Variants in EIF2AK4 observed in about 807,000 individuals in gnomAD.
EIF2AK4 encodes the protein eukaryotic translation initiation factor 2 alpha kinase 4, also known as eIF-2-alpha kinase GCN2.
EIF2AK4 carries 139 observed loss-of-function variants against 211.1 expected under a neutral mutation model. That is an observed-to-expected ratio of 0.66 (90% CI 0.57 to 0.76). EIF2AK4 has a LOEUF of 0.76. Among genes scored for constraint, EIF2AK4 ranks in the 30% least tolerant of loss-of-function variants. EIF2AK4 has a pLI of 0.00. For synonymous variants in EIF2AK4, 710 were observed against 751.3 expected, an observed-to-expected ratio of 0.94 and a Z score of 0.90; for missense variants, 1,664 against 2,043.8, an observed-to-expected ratio of 0.81 and a Z score of 3.58.
rs1304491523 is a variant in EIF2AK4 at position 39,998,750 on chromosome 15, C to T, written c.2888C>T (p.Pro963Leu). Residue 963 changes from proline to leucine, a missense_variant, in exon 20 of 39, where the codon CCA (proline) becomes CTA (leucine). Around this residue, in one of 7 missense-constraint regions of EIF2AK4, gnomAD observed 622 missense variants for 796.8 expected, o/e 0.78. Coordinates refer to ENST00000263791, the MANE Select transcript of EIF2AK4 (RefSeq NM_001013703.4). ...QLRDPTSPKF[P>L]EDFDDGEHAK... ...TTTTAGCCCACTTCGCCTAAGTTTC[C>T]AGAAGACTTTGACGATGGAGAGCAT... 1 of 1,612,958 alleles carries T rather than the reference C, an allele frequency of 6.2e-7. No homozygotes were observed.
chr15:39,971,784 T>A (rs923935110), intron 9 of EIF2AK4, among the ~76,000 whole-genome samples: 10 of 152,250 alleles, frequency 6.6e-5, no homozygotes, highest in African/African-American at 2.4e-4. Flanking sequence ...ACTTAGACTT[T>A]AACTTAGACT....
At chr15:40,029,234 C>A in intron 33 of EIF2AK4, 172 bp from the exon 34 acceptor site, 1 of 887,776 alleles carries the variant, frequency 1.1e-6, no homozygotes, top group Non-Finnish European at 1.3e-6. Flanking sequence ...TTGCTCTTGA[C>A]CAAAGCATAA....
intron 22 of EIF2AK4, 110 bp downstream of exon 22, chr15:40,002,898 T>C: frequency 1.6e-6 from 2 of 1,247,138 alleles, no homozygotes; most frequent in Non-Finnish European, 2.3e-6. Context: ...AATTCAGTTA[T>C]AAATAATTGA....
At chr15:40,020,682 C>T (rs539908981) in intron 30 of EIF2AK4, 3 of 272,640 alleles carry the variant, frequency 1.1e-5, no homozygotes, top group Non-Finnish European at 2.1e-5. Context: ...GAGTGAGACT[C>T]TGTCTCAGAA....
intron 9 of EIF2AK4, among the ~76,000 whole-genome samples, chr15:39,968,277 G>T (rs1344377848): frequency 6.6e-6 from 1 of 152,228 alleles, no homozygotes. Context: ...TCTGCCCCTT[G>T]TGCTTCTTAA....
intron 19 of EIF2AK4, among the ~76,000 whole-genome samples, chr15:39,998,270 G>GT (rs11435806): frequency 0.38 from 47,354 of 123,858 alleles, 9,055 homozygotes; most frequent in Non-Finnish European, 0.46. Context: ...TTTTTTTTTT[G>GT]TTTTGTTTTT....
At chr15:39,990,468 C>G in intron 16 of EIF2AK4, 91 bp downstream of exon 16, 4 of 1,060,062 alleles carry the variant, frequency 3.8e-6, no homozygotes, top group Non-Finnish European at 5.7e-6. Flanking sequence ...AGTGCGTTCA[C>G]AGAACTATGC....
rs3736290 is a variant in EIF2AK4 at position 40,029,150 on chromosome 15, C to T, written c.4503-256C>T. ...CTTATTGTGTGGATCCAGGATTTCACGCCCAGCTGAATAAATCAGAATGTT... is the reference window on the plus strand; with the variant it reads ...CTTATTGTGTGGATCCAGGATTTCATGCCCAGCTGAATAAATCAGAATGTT... On this transcript the variant is annotated intron_variant, in intron 33 of 38. Coordinates refer to ENST00000263791, the MANE Select transcript of EIF2AK4 (RefSeq NM_001013703.4). The T allele has an allele frequency of 3.1e-5, 7 of 224,392 alleles. No individual in the cohort carries two copies. In the East Asian group the frequency reaches 7.3e-4, roughly 23 times the overall value. 13.9% of individuals were successfully genotyped at this position (224,392 alleles called of 1,614,324 possible).
At chr15:40,012,052 G>T (rs1188528465) in intron 27 of EIF2AK4, among the ~76,000 whole-genome samples, 1 of 152,062 alleles carries the variant, frequency 6.6e-6, no homozygotes, top group East Asian at 1.9e-4. Context: ...CTAGGCCCTT[G>T]TCTGACACTC....
rs1415409621 is a variant in EIF2AK4, at chr15:39,948,464, G to A, written c.361-652G>A. Among the ~76,000 whole-genome samples the A allele has an allele frequency of 3.3e-5, 5 of 152,196 alleles. No homozygotes were observed. In the South Asian group the frequency reaches 1.0e-3, roughly 32 times the overall value. ...ATGATTTATGTCTCCTGCGGGTAAGGGAAAGGGGCTTCCTGTGTTCACATA... is the reference window on the plus strand; with the variant it reads ...ATGATTTATGTCTCCTGCGGGTAAGAGAAAGGGGCTTCCTGTGTTCACATA... On this transcript the variant is annotated intron_variant, in intron 3 of 38. Coordinates refer to ENST00000263791, the MANE Select transcript of EIF2AK4 (RefSeq NM_001013703.4).
At chr15:39,982,310 G>A (rs1416711436) in intron 13 of EIF2AK4, among the ~76,000 whole-genome samples, 1 of 152,318 alleles carries the variant, frequency 6.6e-6, no homozygotes, top group East Asian at 1.9e-4. Context: ...TGGAATTCCA[G>A]TAAAACTGAA....
At chr15:39,939,431 A>T in intron 1 of EIF2AK4, 74 bp from the exon 2 acceptor site, 1 of 825,220 alleles carries the variant, frequency 1.2e-6, no homozygotes, top group Non-Finnish European at 1.8e-6. Context: ...TTGATCTAAA[A>T]TGATCATTAT....
In EIF2AK4 at chr15:39,986,016, C is replaced by T. The variant is rs1443715586; in HGVS notation, c.2403+128C>T. The T allele has an allele frequency of 3.0e-5, 23 of 774,936 alleles. 1 individual carries two copies. The highest frequency in any genetic ancestry group is 5.6e-5 in the South Asian group (3 of 53,802). 48.0% of individuals were successfully genotyped at this position (774,936 alleles called of 1,614,324 possible). A position where few individuals can be genotyped will look rare whatever the true frequency, so the allele number is the denominator to read the frequency against. Reference sequence around the variant, plus strand: ...TTGCCACTACCAAAGATTAATTGGCCGAGAGGATTACCATATGGAGGCCCT... The same window carrying T: ...TTGCCACTACCAAAGATTAATTGGCTGAGAGGATTACCATATGGAGGCCCT... On this transcript the variant is annotated intron_variant, in intron 14 of 38. Coordinates refer to ENST00000263791, the MANE Select transcript of EIF2AK4 (RefSeq NM_001013703.4).
At chr15:39,984,533 A>G (rs2034837561) in intron 13 of EIF2AK4, among the ~76,000 whole-genome samples, 1 of 152,164 alleles carries the variant, frequency 6.6e-6, no homozygotes, top group African/African-American at 2.4e-5. Context: ...TTCATTGAGC[A>G]GTGGTTTGTA....
At chr15:40,023,889 C>G (rs1351139432) in intron 32 of EIF2AK4, among the ~76,000 whole-genome samples, 1 of 152,110 alleles carries the variant, frequency 6.6e-6, no homozygotes, top group African/African-American at 2.4e-5. Context: ...ACAAACTACA[C>G]CTTGGACCAA....
chr15:39,944,981 G>T (rs1188219447), intron 3 of EIF2AK4, among the ~76,000 whole-genome samples: 1 of 152,164 alleles, frequency 6.6e-6, no homozygotes, highest in Non-Finnish European at 1.5e-5. Context: ...GAAAGTGAGT[G>T]TAGAACGGCC....
Position 39,967,512 on chromosome 15 carries a change from C to T in EIF2AK4, c.1186C>T (p.Pro396Ser). Residue 396 changes from proline to serine, a missense_variant, in exon 9 of 39, where the codon CCC (proline) becomes TCC (serine). Transcript: ENST00000263791. Reference protein sequence around the residue: ...SLAAHLSHSGPIPVHQLRRYT... With the variant: ...SLAAHLSHSGSIPVHQLRRYT... ...TGCTGCACACCTGAGCCACTCAGGC[C>T]CCATCCCTGTGCATCAGCTTCGCAG... is the stretch of plus-strand genomic sequence containing the variant. The T allele has an allele frequency of 6.2e-7, 1 of 1,614,022 alleles. No individual in the cohort carries two copies. Among genetic ancestry groups the T allele is most frequent in the Non-Finnish European group, 8.5e-7 (1 of 1,179,988 alleles).
intron 19 of EIF2AK4, 43 bp from the exon 20 acceptor site, chr15:39,998,688 G>C (rs751612088): frequency 2.0e-6 from 3 of 1,485,790 alleles, no homozygotes; most frequent in Non-Finnish European, 2.8e-6. Context: ...CTTTCACTGT[G>C]GCAGTCTGCC....
chr15:39,976,148 A>G (rs543119895), intron 11 of EIF2AK4, among the ~76,000 whole-genome samples: 1 of 152,370 alleles, frequency 6.6e-6, no homozygotes, highest in East Asian at 1.9e-4. Flanking sequence ...GGTAACTGTC[A>G]GTAAAATTAA....
Sources: allele counts gnomAD v4.1 joint callset (sites outside exome capture counted in the v4.1 genomes callset), GRCh38; gene constraint gnomAD v4.1.1; regional missense constraint gnomAD v4.1.1; transcripts MANE v1.5; gene names NCBI Gene and HGNC (gene_info 2026-07-23, HGNC 2026-07-21).